The following GNA12 variants were observed in gnomAD, a reference collection of about 807,000 sequenced individuals.
GNA12 encodes the protein guanine nucleotide-binding protein subunit alpha-12.
In GNA12, 9 loss-of-function variants were observed where a neutral mutation model predicts 26.0. The ratio of observed to expected loss-of-function variants is 0.35; its 90% confidence interval spans 0.21 to 0.60. The LOEUF (loss-of-function observed/expected upper bound fraction) is 0.60, where lower values mean the gene tolerates loss of function less well. Among genes scored for constraint, GNA12 ranks in the 20% least tolerant of loss-of-function variants. The pLI, the probability that GNA12 is intolerant of heterozygous loss-of-function variation, is 0.78. For synonymous variants in GNA12, 264 were observed against 219.6 expected (o/e 1.20, Z -1.79); for missense variants, 405 against 525.8 (o/e 0.77, Z 2.25).
intron 2 of GNA12, among the ~76,000 whole-genome samples, chr7:2,751,087 C>A (rs532455328): frequency 6.6e-6 from 1 of 152,140 alleles, no homozygotes; most frequent in African/African-American, 2.4e-5. Context: ...AAATCTGTTG[C>A]TTTACATGCT....
intron 1 of GNA12, among the ~76,000 whole-genome samples, chr7:2,810,909 G>GAAAC (rs386409380): frequency 1.3e-5 from 2 of 151,466 alleles, no homozygotes; most frequent in African/African-American, 4.9e-5. Flanking sequence ...AAAAAAGAAA[G>GAAAC]AAAGAAAGAA....
At chr7:2,794,192 A>G (rs569250813) in intron 2 of GNA12, among the ~76,000 whole-genome samples, 77 of 152,322 alleles carry the variant, frequency 5.1e-4, no homozygotes, top group African/African-American at 1.8e-3. Flanking sequence ...TGGCAAAATC[A>G]TAAGAACGGC....
At chr7:2,835,612 A>C in intron 1 of GNA12, 2 of 692,726 alleles carry the variant, frequency 2.9e-6, no homozygotes, top group South Asian at 3.2e-5. Context: ...GCTGTTCTCC[A>C]GTCCCGAGAT....
intron 2 of GNA12, among the ~76,000 whole-genome samples, chr7:2,734,878 G>A (rs557214268): frequency 5.4e-4 from 83 of 152,344 alleles, no homozygotes; most frequent in Admixed American, 1.8e-3. Flanking sequence ...CAGCTCTGCA[G>A]TAGGGAAGGC....
At chr7:2,807,487 A>G (rs2115476399) in intron 1 of GNA12, among the ~76,000 whole-genome samples, 1 of 152,212 alleles carries the variant, frequency 6.6e-6, no homozygotes, top group African/African-American at 2.4e-5. Context: ...TTCAAAATCA[A>G]GAGAGCCTTG....
intron 2 of GNA12, among the ~76,000 whole-genome samples, chr7:2,740,238 C>A (rs1790430987): frequency 6.6e-6 from 1 of 152,260 alleles, no homozygotes; most frequent in African/African-American, 2.4e-5. Context: ...TTATAGACTG[C>A]ATGTTTGTAT....
intron 2 of GNA12, among the ~76,000 whole-genome samples, chr7:2,739,572 C>T (rs192659626): frequency 2.0e-5 from 3 of 152,198 alleles, no homozygotes; most frequent in Admixed American, 6.5e-5. Context: ...AGTTTTTGGC[C>T]GTTGTGAACA....
chr7:2,840,398 A>G (rs1413279167), intron 1 of GNA12, among the ~76,000 whole-genome samples: 1 of 152,242 alleles, frequency 6.6e-6, no homozygotes, highest in East Asian at 1.9e-4. Flanking sequence ...AAGCATTATG[A>G]AAATTCAACA....
chr7:2,843,888 C>T lies in GNA12; in HGVS notation c.274G>A (p.Glu92Lys). ...GREFDQKALL[E>K]FRDTIFDNIL... ...TTGTCGAAGATGGTGTCGCGGAACT[C>T]CAGCAGCGCCTTCTGGTCGAACTCG... Residue 92 changes from glutamate to lysine, a missense_variant, in exon 1 of 4, where the codon GAG becomes AAG. Glu to Lys is a moderately conservative substitution (Grantham distance 56). Transcript: ENST00000275364. 6.4e-7 allele frequency: 1 copy of T among 1,569,124 alleles called. No homozygotes were observed. Among genetic ancestry groups the T allele is most frequent in the East Asian group, 2.4e-5 (1 of 41,082 alleles).
chr7:2,780,084 A>ATATATATATATATG, intron 2 of GNA12, among the ~76,000 whole-genome samples: 1 of 108,368 alleles, frequency 9.2e-6, no homozygotes, highest in Admixed American at 1.0e-4. Flanking sequence ...ATATATATAT[A>ATATATATATATATG]TATATATATG....
intron 2 of GNA12, among the ~76,000 whole-genome samples, chr7:2,751,908 C>G (rs928531098): frequency 1.3e-5 from 2 of 152,178 alleles, no homozygotes; most frequent in African/African-American, 2.4e-5. Context: ...CCTAGATGAC[C>G]TCACTATCAA....
intron 1 of GNA12, among the ~76,000 whole-genome samples, chr7:2,800,089 T>G (rs1249440796): frequency 6.6e-6 from 1 of 152,244 alleles, no homozygotes; most frequent in African/African-American, 2.4e-5. Context: ...GCAGCTCTGT[T>G]CATCATAGCC....
chr7:2,812,014 T>C (rs1480447348), intron 1 of GNA12, among the ~76,000 whole-genome samples: 4 of 152,200 alleles, frequency 2.6e-5, no homozygotes, highest in Non-Finnish European at 5.9e-5. Context: ...CCAGGGGCAG[T>C]GGGAAGGGGC....
chr7:2,774,021 G>A (rs1792013894), intron 2 of GNA12, among the ~76,000 whole-genome samples: 1 of 152,156 alleles, frequency 6.6e-6, no homozygotes, highest in Non-Finnish European at 1.5e-5. Context: ...AGTAAATACC[G>A]TGTGAGGCCA....
intron 2 of GNA12, among the ~76,000 whole-genome samples, chr7:2,740,730 T>TTA (rs1313368443): frequency 6.6e-6 from 1 of 152,186 alleles, no homozygotes; most frequent in Non-Finnish European, 1.5e-5. Flanking sequence ...ATAGTTCAAA[T>TTA]TATAGATTCA....
chr7:2,800,435 C>T (rs553459258), intron 1 of GNA12, among the ~76,000 whole-genome samples: 21 of 152,262 alleles, frequency 1.4e-4, no homozygotes, highest in African/African-American at 4.8e-4. Flanking sequence ...AAAGGGCGCA[C>T]AACCACACAC....
intron 2 of GNA12, among the ~76,000 whole-genome samples, chr7:2,784,623 G>A (rs900725951): frequency 6.6e-6 from 1 of 152,136 alleles, no homozygotes; most frequent in Admixed American, 6.5e-5. Flanking sequence ...CAACCTAGCT[G>A]ACAAAGCTAT....
At chr7:2,813,393 C>G (rs754544448) in intron 1 of GNA12, among the ~76,000 whole-genome samples, 4 of 152,160 alleles carry the variant, frequency 2.6e-5, no homozygotes, top group Non-Finnish European at 5.9e-5. Context: ...AAGGGGCATC[C>G]AGGGGAGAGT....
At chr7:2,803,335 CGAGGG>C (rs1792862310) in intron 1 of GNA12, among the ~76,000 whole-genome samples, 1 of 152,120 alleles carries the variant, frequency 6.6e-6, no homozygotes, top group Non-Finnish European at 1.5e-5. Context: ...AGGGGACGAT[CGAGGG>C]CTTTGGAAAA....
Sources: allele counts gnomAD v4.1 joint callset (sites outside exome capture counted in the v4.1 genomes callset), GRCh38; gene constraint gnomAD v4.1.1; transcripts MANE v1.5; gene names NCBI Gene and HGNC (gene_info 2026-07-23, HGNC 2026-07-21).